UBXN7: variants seen among roughly 807,000 people sequenced by gnomAD.
UBXN7 encodes the protein UBX domain-containing protein 7.
In UBXN7, 9 loss-of-function variants were observed where a neutral mutation model predicts 58.0. The ratio of observed to expected loss-of-function variants is 0.16; its 90% CI spans 0.09 to 0.27. The LOEUF is 0.27. UBXN7 is among the 10% of genes least tolerant of loss of function. UBXN7 has a pLI of 1.00. For synonymous variants in UBXN7, 208 were observed against 205.0 expected, an observed-to-expected ratio of 1.01 and a Z score of -0.12; for missense variants, 328 against 599.6, an observed-to-expected ratio of 0.55 and a Z score of 4.73.
At chr3:196,423,047 G>A (rs1730736455) in intron 1 of UBXN7, among the ~76,000 whole-genome samples, 1 of 152,198 alleles carries the variant, frequency 6.6e-6, no homozygotes, top group Non-Finnish European at 1.5e-5. Flanking sequence ...GAAAACAGGA[G>A]ACTAAAAACA....
At chr3:196,361,787 T>C in intron 10 of UBXN7, 57 bp downstream of exon 10, 1 of 1,485,692 alleles carries the variant, frequency 6.7e-7, no homozygotes, top group Non-Finnish European at 9.3e-7. Context: ...AACCAAACAA[T>C]TTGGGACTCG....
intron 1 of UBXN7, among the ~76,000 whole-genome samples, chr3:196,413,035 T>C (rs1730380106): frequency 6.6e-6 from 1 of 152,138 alleles, no homozygotes. Flanking sequence ...ACCACTGAAC[T>C]GTACCCTGAA....
chr3:196,359,365 G>A (rs914470000), intron 10 of UBXN7, among the ~76,000 whole-genome samples: 1 of 152,122 alleles, frequency 6.6e-6, no homozygotes, highest in Non-Finnish European at 1.5e-5. Flanking sequence ...CCTTATTCCC[G>A]GAGACATGAC....
intron 1 of UBXN7, among the ~76,000 whole-genome samples, chr3:196,416,387 C>T (rs1365733092): frequency 6.6e-6 from 1 of 151,862 alleles, no homozygotes; most frequent in South Asian, 2.1e-4. Context: ...GCTGAAATTG[C>T]GCCACTGCAC....
At chr3:196,389,471 G>A (rs182444359) in intron 5 of UBXN7, among the ~76,000 whole-genome samples, 5 of 152,274 alleles carry the variant, frequency 3.3e-5, no homozygotes, top group South Asian at 2.1e-4. Context: ...TGGAGAGCAC[G>A]CTGATATGGT....
At chr3:196,357,865 GTAAAAA>G (rs1277795568) in intron 10 of UBXN7, among the ~76,000 whole-genome samples, 1 of 151,118 alleles carries the variant, frequency 6.6e-6, no homozygotes, top group African/African-American at 2.4e-5. Flanking sequence ...CTCAAAAAAA[GTAAAAA>G]TAAAAATAAA....
Position 196,407,380 on chromosome 3 carries a change from A to G in UBXN7, c.87T>C (p.Ser29=). 3.7e-6 allele frequency: 6 copies of G among 1,610,676 alleles called. No homozygotes were observed. The highest frequency in any genetic ancestry group is 5.1e-6 in the Non-Finnish European group (6 of 1,179,018). Residue 29 remains serine, a synonymous_variant, in exon 2 of 11, where the codon AGT becomes AGC. Transcript: ENST00000296328. ...ACGCTTCAAGCATATGTTTTCCTACACTTTCACTTGCACCTGAAACAGTAA... is the reference window on the plus strand; with the variant it reads ...ACGCTTCAAGCATATGTTTTCCTACGCTTTCACTTGCACCTGAAACAGTAA... ...QFTTITGASE[S]VGKHMLEACN...
intron 2 of UBXN7, among the ~76,000 whole-genome samples, chr3:196,403,989 C>G (rs1730076400): frequency 1.3e-5 from 2 of 151,542 alleles, no homozygotes; most frequent in South Asian, 4.1e-4. Flanking sequence ...TGGCTCATGC[C>G]TGTAATCCCA....
rs1247077737 is a variant in UBXN7 at position 196,350,511 on chromosome 3, C to T, written c.*6174G>A. 2.0e-5 allele frequency: 3 copies of T among 150,388 alleles called. No individual in the cohort carries two copies. Among genetic ancestry groups the T allele is most frequent in the African/African-American group, 4.9e-5 (2 of 40,856 alleles). The allele number at this position is 150,388 out of a possible 1,614,324, so 9.3% of individuals were successfully genotyped here. On this transcript the variant is annotated 3_prime_UTR_variant, in exon 11 of 11. Transcript: ENST00000296328. ...TAGCCAATTACACTAAAAATCATAA[C>T]TATTTTCAGAGAATGAATGTTAAAA...
intron 3 of UBXN7, among the ~76,000 whole-genome samples, chr3:196,401,709 G>A (rs189460328): frequency 1.4e-3 from 208 of 146,632 alleles, no homozygotes; most frequent in Non-Finnish European, 2.4e-3. Flanking sequence ...CCAGAGGATC[G>A]CTTGAGCCCA....
chr3:196,419,978 G>C (rs894460151), intron 1 of UBXN7, among the ~76,000 whole-genome samples: 3 of 152,184 alleles, frequency 2.0e-5, no homozygotes, highest in Non-Finnish European at 2.9e-5. Flanking sequence ...AAGGTTAACT[G>C]AAAGGGAAGA....
At chr3:196,400,711 G>C in intron 3 of UBXN7, 1 of 372,340 alleles carries the variant, frequency 2.7e-6, no homozygotes, top group South Asian at 2.0e-5. Flanking sequence ...CTGCACTCCA[G>C]CCTGGGCAAC....
intron 8 of UBXN7, 105 bp downstream of exon 8, chr3:196,367,923 C>T: frequency 4.8e-6 from 7 of 1,454,802 alleles, no homozygotes; most frequent in Non-Finnish European, 6.5e-6. Context: ...TGATAGTTGT[C>T]CACTAGTTAG....
chr3:196,410,345 G>A (rs1183681597), intron 1 of UBXN7, among the ~76,000 whole-genome samples: 3 of 152,164 alleles, frequency 2.0e-5, no homozygotes, highest in Admixed American at 6.5e-5. Context: ...AAATGGAAGT[G>A]CTAACTCTAC....
At chr3:196,428,721 C>T (rs79295518) in intron 1 of UBXN7, among the ~76,000 whole-genome samples, 3,188 of 150,686 alleles carry the variant, frequency 0.021, 61 homozygotes, top group Middle Eastern at 0.076. Context: ...AGTGAGACCC[C>T]ATCTCCACAA....
intron 6 of UBXN7, among the ~76,000 whole-genome samples, chr3:196,369,754 G>A (rs1728767073): frequency 6.6e-6 from 1 of 152,160 alleles, no homozygotes; most frequent in African/African-American, 2.4e-5. Flanking sequence ...CAGTTCAGAT[G>A]AGGTATTATT....
At chr3:196,386,035 G>A (rs1457526793) in intron 5 of UBXN7, among the ~76,000 whole-genome samples, 2 of 152,290 alleles carry the variant, frequency 1.3e-5, no homozygotes, top group South Asian at 2.1e-4. Context: ...TGTACTAAGA[G>A]AAATTCTTCT....
rs1728200770 is a variant in UBXN7, at chr3:196,351,202, A to C, written c.*5483T>G. On this transcript the variant is annotated 3_prime_UTR_variant, in exon 11 of 11. Transcript: ENST00000296328. ...CTGTTTCTGCCAAAACCAGGTGTGA[A>C]TCTTATACAAATCAATTTCCCAACA... The C allele has an allele frequency of 6.6e-6, 1 of 152,238 alleles. No homozygotes were observed. Among genetic ancestry groups the C allele is most frequent in the East Asian group, 1.9e-4 (1 of 5,200 alleles). 9.4% of individuals were successfully genotyped at this position (152,238 alleles called of 1,614,324 possible). A position where few individuals can be genotyped will look rare whatever the true frequency, so the allele number is the denominator to read the frequency against.
At chr3:196,379,947 G>C (rs1187056491) in intron 5 of UBXN7, among the ~76,000 whole-genome samples, 3 of 152,140 alleles carry the variant, frequency 2.0e-5, no homozygotes, top group Non-Finnish European at 4.4e-5. Context: ...CGAGCCTATA[G>C]AGTAAAGTGA....
Sources: allele counts gnomAD v4.1 joint callset (sites outside exome capture counted in the v4.1 genomes callset), GRCh38; gene constraint gnomAD v4.1.1; transcripts MANE v1.5; gene names NCBI Gene and HGNC (gene_info 2026-07-23, HGNC 2026-07-21).